The following TUSC3 variants were observed in gnomAD, a reference collection of about 807,000 sequenced individuals.
The protein encoded by TUSC3 is dolichyl-diphosphooligosaccharide--protein glycosyltransferase subunit TUSC3.
Under a neutral mutation model 44.8 loss-of-function variants are expected in TUSC3, and 45 were observed. That is an observed-to-expected ratio of 1.00 (90% CI 0.79 to 1.29). The LOEUF is 1.29. Ranked by LOEUF, TUSC3 falls within the 50% of genes most tolerant of loss-of-function variation. The pLI is 0.00. For missense variants in TUSC3, 519 were observed against 437.9 expected (o/e 1.19, Z -1.65); for synonymous variants, 212 against 152.9 (o/e 1.39, Z -2.85).
At chr8:15,445,680 A>C (rs1442576819) in intron 1 of TUSC3, among the ~76,000 whole-genome samples, 2 of 152,244 alleles carry the variant, frequency 1.3e-5, no homozygotes, top group Admixed American at 6.5e-5. Flanking sequence ...AATTTTTCTT[A>C]GTACAAAACA....
chr8:15,522,120 A>T (rs1008660440), intron 2 of TUSC3, among the ~76,000 whole-genome samples: 2 of 152,174 alleles, frequency 1.3e-5, no homozygotes, highest in East Asian at 1.9e-4. Flanking sequence ...GTTGTGTCCA[A>T]GCTTCAGGGA....
chr8:15,803,608 A>G, the TUSC3 span, among the ~76,000 whole-genome samples: 1 of 152,172 alleles, frequency 6.6e-6, no homozygotes, highest in Non-Finnish European at 1.5e-5. Context: ...GGTTTGTTAC[A>G]TGGGTATACA....
chr8:15,851,769 A>G, the TUSC3 span, among the ~76,000 whole-genome samples: 2 of 151,966 alleles, frequency 1.3e-5, no homozygotes, highest in Non-Finnish European at 2.9e-5. Context: ...TTGCTTCCTC[A>G]CTGCATGCTG....
chr8:15,644,367 A>G lies in TUSC3; in HGVS notation c.309-6330A>G, dbSNP rs17612304. 4.9e-3 allele frequency among the ~76,000 whole-genome samples: 750 copies of G among 152,302 alleles called. 21 individuals are homozygous for G. The East Asian group carries it at 0.072, about 15-fold the overall frequency. ...ATGAAGTTAGGCCTTTACTATTACT[A>G]TGAACTACTACAACAAAATATTTTT... On this transcript the variant is annotated intron_variant, in intron 2 of 10. Transcript: ENST00000503731.
rs187636058 is a variant in TUSC3, at chr8:15,648,685, C to T, written c.309-2012C>T. Among the ~76,000 whole-genome samples the T allele has an allele frequency of 5.9e-3, 768 of 130,252 alleles. 9 individuals carry two copies. Among genetic ancestry groups the T allele is most frequent in the African/African-American group, 0.021 (712 of 34,034 alleles). 85.5% of individuals were successfully genotyped at this position (130,252 alleles called of 152,430 possible). A position where few individuals can be genotyped will look rare whatever the true frequency, so the allele number is the denominator to read the frequency against. On this transcript the variant is annotated intron_variant, in intron 2 of 10. Coordinates refer to ENST00000503731, the MANE Select transcript of TUSC3 (RefSeq NM_006765.4). The stretch of plus-strand genomic sequence containing the variant: ...AGCTTGCAGTGAGCCGAGATCGCGC[C>T]GTTGCACTCCAGCCTGGGTGACAGA...
At chr8:15,845,381 C>G in the TUSC3 span, among the ~76,000 whole-genome samples, 1 of 152,000 alleles carries the variant, frequency 6.6e-6, no homozygotes, top group Non-Finnish European at 1.5e-5. Context: ...ATCCTGAACT[C>G]CCTAGAATTG....
intron 7 of TUSC3, among the ~76,000 whole-genome samples, chr8:15,731,652 C>T (rs999517416): frequency 6.6e-6 from 1 of 152,130 alleles, no homozygotes; most frequent in Admixed American, 6.6e-5. Flanking sequence ...TGTTCAAGTA[C>T]TTCAGTTTTA....
intron 2 of TUSC3, among the ~76,000 whole-genome samples, chr8:15,519,370 C>T (rs1563272467): frequency 6.6e-6 from 1 of 152,026 alleles, no homozygotes; most frequent in Non-Finnish European, 1.5e-5. Context: ...GCTATATAGG[C>T]TTTCAACAAG....
chr8:15,846,890 AC>A, the TUSC3 span, among the ~76,000 whole-genome samples: 1,260 of 143,806 alleles, frequency 8.8e-3, 14 homozygotes, highest in African/African-American at 0.026. Context: ...AAAAAAAAAA[AC>A]ACACACACAA....
chr8:15,523,456 T>C (rs932844751), intron 2 of TUSC3, among the ~76,000 whole-genome samples: 2 of 152,008 alleles, frequency 1.3e-5, no homozygotes, highest in Admixed American at 1.3e-4. Flanking sequence ...CTTCCAAAAA[T>C]GCATAACCTC....
chr8:15,439,761 C>A (rs186159975), intron 1 of TUSC3, among the ~76,000 whole-genome samples: 18 of 152,190 alleles, frequency 1.2e-4, no homozygotes, highest in Non-Finnish European at 1.0e-4. Flanking sequence ...AAGTATTTCC[C>A]TCCAGTGTTT....
chr8:15,499,217 G>C (rs1362290166), intron 2 of TUSC3, among the ~76,000 whole-genome samples: 1 of 151,858 alleles, frequency 6.6e-6, no homozygotes, highest in Non-Finnish European at 1.5e-5. Flanking sequence ...CTATCCTTCT[G>C]CCTCTCTCTT....
intron 2 of TUSC3, among the ~76,000 whole-genome samples, chr8:15,632,514 T>C (rs1003889066): frequency 2.0e-5 from 3 of 152,168 alleles, no homozygotes; most frequent in Admixed American, 2.0e-4. Context: ...TTTGCTTTTA[T>C]TAAGTATTTG....
Position 15,732,333 on chromosome 8 carries a change from G to A in TUSC3, c.862+1604G>A, listed in dbSNP as rs115149134. ...ATGATGTTCTCATGATAATGAGTAA[G>A]TCTCATGAGATCTGATGGTATTATA... On this transcript the variant is annotated intron_variant, in intron 7 of 10. Coordinates refer to ENST00000503731, the MANE Select transcript of TUSC3 (RefSeq NM_006765.4). Among the ~76,000 whole-genome samples, 632 of 152,228 alleles carry A rather than the reference G, an allele frequency of 4.2e-3. 4 individuals are homozygous for A. The highest frequency in any genetic ancestry group is 0.015 in the African/African-American group (605 of 41,542).
chr8:15,677,743 A>C (rs1279306978), intron 6 of TUSC3, among the ~76,000 whole-genome samples: 1 of 152,196 alleles, frequency 6.6e-6, no homozygotes, highest in East Asian at 1.9e-4. Flanking sequence ...ACCAGGGCCA[A>C]GCCAGCAGTA....
intron 1 of TUSC3, among the ~76,000 whole-genome samples, chr8:15,540,901 T>C (rs910713566): frequency 6.6e-6 from 1 of 152,238 alleles, no homozygotes; most frequent in Non-Finnish European, 1.5e-5. Context: ...GAAAATACCC[T>C]TTGGAAGTAT....
At chr8:15,658,693 C>A (rs1349652812) in intron 3 of TUSC3, among the ~76,000 whole-genome samples, 1 of 150,760 alleles carries the variant, frequency 6.6e-6, no homozygotes, top group Non-Finnish European at 1.5e-5. Context: ...AATATATATA[C>A]ACATACAATA....
chr8:15,694,536 C>G (rs748633323), intron 6 of TUSC3, among the ~76,000 whole-genome samples: 14 of 151,040 alleles, frequency 9.3e-5, no homozygotes, highest in Admixed American at 2.0e-4. Context: ...AGTTCTTGCA[C>G]TGGATGTTTT....
At chr8:15,646,653 C>G (rs1048941743) in intron 2 of TUSC3, among the ~76,000 whole-genome samples, 5 of 151,842 alleles carry the variant, frequency 3.3e-5, no homozygotes, top group African/African-American at 1.2e-4. Context: ...TTAATCAAAA[C>G]AATGTTATGT....
Sources: allele counts gnomAD v4.1 joint callset (sites outside exome capture counted in the v4.1 genomes callset), GRCh38; gene constraint gnomAD v4.1.1; transcripts MANE v1.5; gene names NCBI Gene and HGNC (gene_info 2026-07-23, HGNC 2026-07-21).